The following LRP1B variants were observed in gnomAD, a reference collection of about 807,000 sequenced individuals.
LRP1B encodes low-density lipoprotein receptor-related protein 1B.
A neutral mutation model predicts 556.6 loss-of-function variants in LRP1B; 217 were observed. The observed-to-expected ratio is 0.39, with a 90% confidence interval of 0.35 to 0.44. The LOEUF is 0.44. Among genes scored for constraint, LRP1B ranks in the 20% least tolerant of loss-of-function variants. The probability of loss-of-function intolerance (pLI) is 1.00; values close to 1 mark genes in which losing one functional copy is unlikely to be tolerated. For synonymous variants in LRP1B, 2,047 were observed against 1,865.8 expected (o/e 1.10, Z -2.50); for missense variants, 5,053 against 5,620.8 (o/e 0.90, Z 3.23).
chr2:140,768,410 A>G (rs1485610656), intron 35 of LRP1B, among the ~76,000 whole-genome samples: 1 of 151,954 alleles, frequency 6.6e-6, no homozygotes, highest in East Asian at 1.9e-4. Flanking sequence ...GTGGAAATGC[A>G]TTTACATGTT....
chr2:141,340,613 T>C (rs1466029555), intron 3 of LRP1B, among the ~76,000 whole-genome samples: 1 of 152,172 alleles, frequency 6.6e-6, no homozygotes, highest in Non-Finnish European at 1.5e-5. Flanking sequence ...CTAATTTAAG[T>C]GATCTCTGTA....
intron 18 of LRP1B, among the ~76,000 whole-genome samples, chr2:140,952,497 C>T (rs111950053): frequency 0.023 from 3,459 of 149,250 alleles, 47 homozygotes; most frequent in Non-Finnish European, 0.034. Flanking sequence ...TCTTAGTCTA[C>T]GAAAAAGAAC....
chr2:141,405,170 A>G (rs559672539), intron 3 of LRP1B, among the ~76,000 whole-genome samples: 152 of 152,324 alleles, frequency 1.0e-3, no homozygotes, highest in African/African-American at 3.3e-3. Context: ...GACCATATTT[A>G]TTATAAAGCC....
intron 18 of LRP1B, among the ~76,000 whole-genome samples, chr2:140,956,795 C>T (rs1483662260): frequency 6.6e-6 from 1 of 151,682 alleles, no homozygotes. Flanking sequence ...GGGTTCAAAT[C>T]CTGACTGTAT....
chr2:141,559,300 G>T (rs149264507), intron 2 of LRP1B, among the ~76,000 whole-genome samples: 1 of 151,608 alleles, frequency 6.6e-6, no homozygotes, highest in Non-Finnish European at 1.5e-5. Context: ...GTCTATGATT[G>T]ATTTCTGTCA....
intron 7 of LRP1B, among the ~76,000 whole-genome samples, chr2:141,099,081 C>T (rs1188918929): frequency 1.3e-5 from 2 of 152,064 alleles, no homozygotes; most frequent in Non-Finnish European, 2.9e-5. Context: ...ATTATAATCT[C>T]CAAACATGCC....
chr2:140,836,415 G>A (rs1214528494), intron 31 of LRP1B, among the ~76,000 whole-genome samples: 3 of 152,104 alleles, frequency 2.0e-5, no homozygotes, highest in East Asian at 1.9e-4. Context: ...CCTGAAACAC[G>A]ACAAAAAGAA....
chr2:140,404,749 C>T (rs1342279874), intron 66 of LRP1B, among the ~76,000 whole-genome samples: 3 of 152,078 alleles, frequency 2.0e-5, no homozygotes, highest in Non-Finnish European at 4.4e-5. Context: ...ATATTCCACA[C>T]AAATGGAAAC....
At chr2:141,635,684 A>G (rs1439578047) in intron 2 of LRP1B, among the ~76,000 whole-genome samples, 1 of 152,230 alleles carries the variant, frequency 6.6e-6, no homozygotes, top group Non-Finnish European at 1.5e-5. Flanking sequence ...AGTAACATTT[A>G]GGACATAACT....
chr2:140,247,899 A>G (rs1191201675), intron 86 of LRP1B, among the ~76,000 whole-genome samples: 1 of 151,718 alleles, frequency 6.6e-6, no homozygotes, highest in African/African-American at 2.4e-5. Flanking sequence ...TGTTTAAACA[A>G]GGTCTATTGG....
At chr2:140,841,325 T>C (rs1366143201) in intron 29 of LRP1B, among the ~76,000 whole-genome samples, 2 of 152,130 alleles carry the variant, frequency 1.3e-5, no homozygotes, top group African/African-American at 4.8e-5. Context: ...AGCATTGAAA[T>C]TACACTAACC....
chr2:141,711,070 C>T (rs1002023494), intron 2 of LRP1B, among the ~76,000 whole-genome samples: 2 of 152,126 alleles, frequency 1.3e-5, no homozygotes, highest in Non-Finnish European at 2.9e-5. Flanking sequence ...CCCTTTCATC[C>T]CTGGTCTTTA....
At chr2:141,472,572 T>G (rs34168220) in intron 3 of LRP1B, among the ~76,000 whole-genome samples, 66,825 of 151,798 alleles carry the variant, frequency 0.44, 15,015 homozygotes, top group Non-Finnish European at 0.49. Flanking sequence ...AAATCAAAAT[T>G]AACTGAAAAT....
At chr2:141,600,165 A>G (rs1246619156) in intron 2 of LRP1B, among the ~76,000 whole-genome samples, 1 of 152,126 alleles carries the variant, frequency 6.6e-6, no homozygotes, top group Non-Finnish European at 1.5e-5. Context: ...CTTTCTAACC[A>G]CAATACTCCT....
chr2:141,094,059 C>T (rs1574066860), intron 7 of LRP1B, among the ~76,000 whole-genome samples: 1 of 151,886 alleles, frequency 6.6e-6, no homozygotes, highest in East Asian at 1.9e-4. Flanking sequence ...CGATATATTT[C>T]TAGAGAAAAA....
chr2:141,215,531 T>C (rs1682765716), intron 6 of LRP1B, among the ~76,000 whole-genome samples: 1 of 152,080 alleles, frequency 6.6e-6, no homozygotes, highest in Non-Finnish European at 1.5e-5. Context: ...TGGCTTGAAA[T>C]TTCTTAGGGA....
chr2:140,964,963 G>T (rs16845035), intron 18 of LRP1B, among the ~76,000 whole-genome samples: 30,401 of 151,912 alleles, frequency 0.2, 3,235 homozygotes, highest in Middle Eastern at 0.28. Context: ...CGGGAGGGAA[G>T]GCAAAGAAAA....
At chr2:141,344,903 C>A (rs2683816) in intron 3 of LRP1B, among the ~76,000 whole-genome samples, 85,891 of 151,952 alleles carry the variant, frequency 0.57, 24,915 homozygotes, top group Non-Finnish European at 0.6. Context: ...GTCCCTGGGA[C>A]CTAGAAATCT....
chr2:141,395,194 C>T (rs1049550122), intron 3 of LRP1B, among the ~76,000 whole-genome samples: 2 of 152,016 alleles, frequency 1.3e-5, no homozygotes, highest in African/African-American at 4.8e-5. Context: ...TAATAATGTT[C>T]AAGGACCTCA....
Sources: allele counts gnomAD v4.1 joint callset (sites outside exome capture counted in the v4.1 genomes callset), GRCh38; gene constraint gnomAD v4.1.1; transcripts MANE v1.5; gene names NCBI Gene and HGNC (gene_info 2026-07-23, HGNC 2026-07-21).